Variants in ATP9B observed in about 807,000 individuals in gnomAD.
ATP9B encodes the protein probable phospholipid-transporting ATPase IIB.
Under a neutral mutation model 146.1 loss-of-function variants are expected in ATP9B, and 110 were observed. That is an observed-to-expected ratio of 0.75 (90% CI 0.65 to 0.88). The LOEUF is 0.88. Among genes scored for constraint, ATP9B ranks in the 40% least tolerant of loss-of-function variants. The pLI, the probability that ATP9B is intolerant of heterozygous loss-of-function variation, is 0.00. For synonymous variants in ATP9B, 604 were observed against 569.7 expected (o/e 1.06, Z -0.86); for missense variants, 1,499 against 1,496.4 (o/e 1.00, Z -0.03).
At chr18:79,127,052 T>G (rs1031086218) in intron 5 of ATP9B, among the ~76,000 whole-genome samples, 1 of 152,180 alleles carries the variant, frequency 6.6e-6, no homozygotes, top group Non-Finnish European at 1.5e-5. Context: ...GAATGGGTAT[T>G]CATAGTAACC....
At chr18:79,245,916 T>TGTGTGGA (rs2095951614) in intron 11 of ATP9B, among the ~76,000 whole-genome samples, 1 of 108,584 alleles carries the variant, frequency 9.2e-6, no homozygotes. Context: ...ACCGCCCTAC[T>TGTGTGGA]GACTGTGCGG....
intron 9 of ATP9B, among the ~76,000 whole-genome samples, chr18:79,206,089 C>T (rs2095531208): frequency 6.6e-6 from 1 of 151,918 alleles, no homozygotes; most frequent in Admixed American, 6.5e-5. Flanking sequence ...TACAGGTGCC[C>T]GCCACCATGC....
intron 5 of ATP9B, among the ~76,000 whole-genome samples, chr18:79,130,596 C>G (rs34712074): frequency 0.061 from 9,270 of 152,048 alleles, 364 homozygotes; most frequent in Non-Finnish European, 0.092. Flanking sequence ...TCTGTACATT[C>G]AGGAAGTACA....
intron 26 of ATP9B, among the ~76,000 whole-genome samples, chr18:79,365,025 G>A (rs1417953123): frequency 5.0e-5 from 6 of 119,036 alleles, no homozygotes; most frequent in South Asian, 5.8e-4. Context: ...GCGAGACCTT[G>A]TCTCAAAAAA....
chr18:79,255,889 T>G (rs2096072449), intron 12 of ATP9B, among the ~76,000 whole-genome samples: 1 of 152,202 alleles, frequency 6.6e-6, no homozygotes. Context: ...TACTGCTTTT[T>G]GGGTTATATT....
chr18:79,241,698 G>T (rs2095890752), intron 11 of ATP9B, among the ~76,000 whole-genome samples: 1 of 152,214 alleles, frequency 6.6e-6, no homozygotes, highest in African/African-American at 2.4e-5. Context: ...CAGCTAATAT[G>T]TGTAATTACA....
At chr18:79,303,765 C>A in intron 14 of ATP9B, 49 bp downstream of exon 14, 1 of 1,390,340 alleles carries the variant, frequency 7.2e-7, no homozygotes, top group African/African-American at 1.4e-5. Flanking sequence ...ACATCCCGCG[C>A]CATGAGTCCA....
intron 3 of ATP9B, among the ~76,000 whole-genome samples, chr18:79,112,043 C>T (rs903660329): frequency 7.4e-6 from 1 of 134,316 alleles, no homozygotes; most frequent in African/African-American, 2.5e-5. Flanking sequence ...CATTCTTAGA[C>T]AGCAGGTTGA....
At chr18:79,073,955 A>C (rs1416248152) in intron 1 of ATP9B, among the ~76,000 whole-genome samples, 1 of 152,206 alleles carries the variant, frequency 6.6e-6, no homozygotes, top group Non-Finnish European at 1.5e-5. Flanking sequence ...TTGGTTTGAC[A>C]GATGGTTTTC....
chr18:79,356,328 C>T lies in ATP9B; in HGVS notation c.2904-3026C>T, dbSNP rs145709030. Among the ~76,000 whole-genome samples, 5 of 151,766 alleles carry T rather than the reference C, an allele frequency of 3.3e-5. No homozygotes were observed. In the East Asian group the frequency reaches 7.7e-4, roughly 23 times the overall value. On this transcript the variant is annotated intron_variant, in intron 25 of 29. Coordinates refer to ENST00000426216, the MANE Select transcript of ATP9B (RefSeq NM_198531.5). Reference sequence around the variant, plus strand: ...TCCTGAGCGTTTATACCCTCTCACTCGGCACTCGTTTCCAAACCTAGCACT... The same window carrying T: ...TCCTGAGCGTTTATACCCTCTCACTTGGCACTCGTTTCCAAACCTAGCACT...
chr18:79,167,068 C>T (rs1274768716), intron 7 of ATP9B, among the ~76,000 whole-genome samples: 3 of 152,148 alleles, frequency 2.0e-5, no homozygotes, highest in Admixed American at 6.5e-5. Flanking sequence ...GGCTTGGAGA[C>T]GCTAGGAACC....
chr18:79,151,549 G>A (rs563408063), intron 6 of ATP9B, among the ~76,000 whole-genome samples: 3 of 152,306 alleles, frequency 2.0e-5, no homozygotes, highest in East Asian at 3.9e-4. Flanking sequence ...TGTTGCAGGT[G>A]TGCCTAGGAG....
chr18:79,312,375 C>G (rs908940321), intron 15 of ATP9B, among the ~76,000 whole-genome samples: 1 of 152,232 alleles, frequency 6.6e-6, no homozygotes, highest in Non-Finnish European at 1.5e-5. Flanking sequence ...AAGGCTGCGC[C>G]AAGCTTGTAT....
At position 79,217,933 on chromosome 18, in the gene ATP9B, C is replaced by T. The variant is rs147608557; in HGVS notation, c.1107+3895C>T. On this transcript the variant is annotated intron_variant, in intron 11 of 29. Coordinates refer to ENST00000426216, the MANE Select transcript of ATP9B (RefSeq NM_198531.5). ...AAATGTTTCTAACACTCAATTCTGA[C>T]AGCTCTCTGAGTAGAAGCCATATTG... is the stretch of plus-strand genomic sequence containing the variant. 2.4e-3 allele frequency among the ~76,000 whole-genome samples: 364 copies of T among 152,340 alleles called. 2 individuals are homozygous for T. Among genetic ancestry groups the T allele is most frequent in the South Asian group, 6.4e-3 (31 of 4,832 alleles).
At chr18:79,314,535 T>C (rs760830587) in intron 15 of ATP9B, among the ~76,000 whole-genome samples, 2 of 152,224 alleles carry the variant, frequency 1.3e-5, no homozygotes. Context: ...GTGGTATGTG[T>C]GGTGATACGA....
chr18:79,241,655 C>T (rs1038414834), intron 11 of ATP9B, among the ~76,000 whole-genome samples: 11 of 152,206 alleles, frequency 7.2e-5, no homozygotes, highest in Non-Finnish European at 7.3e-5. Flanking sequence ...TTAGGGCAAC[C>T]TTTTCGTCAT....
intron 4 of ATP9B, among the ~76,000 whole-genome samples, chr18:79,114,381 A>G (rs1390603853): frequency 6.6e-6 from 1 of 152,148 alleles, no homozygotes; most frequent in Non-Finnish European, 1.5e-5. Context: ...GGGGTTCCAC[A>G]TGAGTTGTGG....
intron 15 of ATP9B, among the ~76,000 whole-genome samples, chr18:79,323,000 T>C (rs760340090): frequency 3.3e-5 from 5 of 152,258 alleles, no homozygotes; most frequent in East Asian, 3.8e-4. Context: ...TACATACTTA[T>C]GGGGTACATG....
chr18:79,126,281 T>C lies in ATP9B; in HGVS notation c.573T>C (p.Ala191=), dbSNP rs765694768. The C allele has an allele frequency of 6.2e-7, 1 of 1,611,578 alleles. No homozygotes were observed. Among genetic ancestry groups the C allele is most frequent in the South Asian group, 1.1e-5 (1 of 90,788 alleles). Residue 191 remains alanine (A), a synonymous_variant, in exon 5 of 30, where the codon GCT becomes GCC. Transcript: ENST00000426216. ...TYWAPLGFVL[A]VTMTREAIDE... is the part of the protein sequence containing the mutation. Reference sequence around the variant, plus strand: ...TTGTTTTATAGGGATTTGTCTTGGCTGTTACTATGACACGGGAAGCAATTG... The same window carrying C: ...TTGTTTTATAGGGATTTGTCTTGGCCGTTACTATGACACGGGAAGCAATTG...
Sources: allele counts gnomAD v4.1 joint callset (sites outside exome capture counted in the v4.1 genomes callset), GRCh38; gene constraint gnomAD v4.1.1; transcripts MANE v1.5; gene names NCBI Gene and HGNC (gene_info 2026-07-23, HGNC 2026-07-21).